The following CPVL variants were observed in gnomAD, a reference collection of about 807,000 sequenced individuals.
CPVL encodes the protein probable serine carboxypeptidase CPVL.
In CPVL, 51 loss-of-function variants were observed where a neutral mutation model predicts 63.7. The ratio of observed to expected loss-of-function variants is 0.80; its 90% CI spans 0.64 to 1.01. The LOEUF is 1.01. Among genes scored for constraint, CPVL ranks in the 50% least tolerant of loss-of-function variants. The pLI is 0.00. For synonymous variants in CPVL, 195 were observed against 206.0 expected (o/e 0.95, Z 0.46); for missense variants, 530 against 573.1 (o/e 0.92, Z 0.77).
upstream of CPVL, chr7:29,146,939 C>G: frequency 6.4e-7 from 1 of 1,551,116 alleles, no homozygotes; most frequent in Non-Finnish European, 8.7e-7. Flanking sequence ...CGCTGATGGT[C>G]TACATTCCAG....
At chr7:29,042,940 T>C (rs968727648) in intron 11 of CPVL, among the ~76,000 whole-genome samples, 13 of 152,210 alleles carry the variant, frequency 8.5e-5, no homozygotes, top group Admixed American at 6.5e-4. Context: ...CTCCTTGGAT[T>C]CTGGCTGACC....
intron 1 of CPVL, chr7:29,194,819 T>G (rs1783425379): frequency 4.7e-6 from 4 of 842,434 alleles, no homozygotes; most frequent in Non-Finnish European, 6.5e-6. Flanking sequence ...TGGTGCTTTC[T>G]GCGCGTCCCC....
chr7:29,137,643 C>A (rs1791385127), intron 1 of CPVL, among the ~76,000 whole-genome samples: 1 of 152,158 alleles, frequency 6.6e-6, no homozygotes, highest in African/African-American at 2.4e-5. Flanking sequence ...TATAGGCAGG[C>A]TGCTCTTTGT....
intron 12 of CPVL, among the ~76,000 whole-genome samples, chr7:29,020,559 C>A (rs2128142473): frequency 6.6e-6 from 1 of 152,164 alleles, no homozygotes; most frequent in South Asian, 2.1e-4. Flanking sequence ...CTTATCCAAA[C>A]CCTCTCAACA....
chr7:29,111,947 A>T (rs1009235589), intron 3 of CPVL, among the ~76,000 whole-genome samples: 1 of 152,244 alleles, frequency 6.6e-6, no homozygotes, highest in Non-Finnish European at 1.5e-5. Context: ...GTGGAATAAG[A>T]TTTGCTTCTC....
intron 1 of CPVL, among the ~76,000 whole-genome samples, chr7:29,123,301 C>A (rs1395911923): frequency 6.6e-6 from 1 of 151,782 alleles, no homozygotes; most frequent in East Asian, 1.9e-4. Context: ...GAATATATAA[C>A]CCTTGTCATG....
intron 5 of CPVL, among the ~76,000 whole-genome samples, chr7:29,173,110 G>T (rs1796821191): frequency 6.9e-6 from 1 of 145,960 alleles, no homozygotes; most frequent in Non-Finnish European, 1.5e-5. Context: ...CAGCCTGGGT[G>T]ACAGAGCAAG....
chr7:29,088,648 G>A (rs1026693966), intron 6 of CPVL, among the ~76,000 whole-genome samples: 9 of 152,128 alleles, frequency 5.9e-5, no homozygotes, highest in Non-Finnish European at 1.0e-4. Flanking sequence ...CTAGAATCAA[G>A]CCCACATGAA....
intron 3 of CPVL, among the ~76,000 whole-genome samples, chr7:29,102,040 T>C (rs1787195045): frequency 6.6e-6 from 1 of 152,216 alleles, no homozygotes; most frequent in Admixed American, 6.5e-5. Flanking sequence ...TGTCTAAGGC[T>C]GTGGATGCAG....
intron 12 of CPVL, among the ~76,000 whole-genome samples, chr7:29,015,902 A>G (rs1318017184): frequency 6.6e-6 from 1 of 152,216 alleles, no homozygotes. Flanking sequence ...AAATAACATG[A>G]CATAGTTTAT....
Position 29,146,534 on chromosome 7 carries a change from T to G in CPVL, c.-116A>C, listed in dbSNP as rs1468629394. On this transcript the variant is annotated 5_prime_UTR_variant, in exon 1 of 13. Coordinates refer to ENST00000265394, the MANE Select transcript of CPVL (RefSeq NM_031311.5). ...GCAGAAGTGAGGCAGCCCCACCCAG[T>G]CACGAGGACCCTGCAGAACTCGAGC... 3 of 1,500,562 alleles carry G rather than the reference T, an allele frequency of 2.0e-6. No homozygotes were observed. The highest frequency in any genetic ancestry group is 2.8e-5 in the African/African-American group (2 of 70,928). 93.0% of individuals were successfully genotyped at this position (1,500,562 alleles called of 1,614,324 possible). A position where few individuals can be genotyped will look rare whatever the true frequency, so the allele number is the denominator to read the frequency against.
intron 9 of CPVL, among the ~76,000 whole-genome samples, chr7:29,068,918 C>A (rs558879938): frequency 6.7e-6 from 1 of 149,608 alleles, no homozygotes; most frequent in Non-Finnish European, 1.5e-5. Flanking sequence ...CTCCTGACCT[C>A]GTGATCCGCC....
chr7:29,127,651 C>T (rs1039838898), intron 1 of CPVL: 3 of 152,208 alleles, frequency 2.0e-5, no homozygotes, highest in Non-Finnish European at 4.4e-5. Flanking sequence ...CCTTTTCCCA[C>T]CTTTTTCTCC....
intron 1 of CPVL, among the ~76,000 whole-genome samples, chr7:29,144,101 G>C (rs772508218): frequency 6.6e-6 from 1 of 152,182 alleles, no homozygotes; most frequent in Admixed American, 6.5e-5. Flanking sequence ...CAATATAGAC[G>C]TTAATGAGTC....
At chr7:29,092,261 C>T (rs762279940) in intron 6 of CPVL, among the ~76,000 whole-genome samples, 1 of 150,110 alleles carries the variant, frequency 6.7e-6, no homozygotes. Flanking sequence ...AAGTTTTCAG[C>T]CTGGAAAAGT....
chr7:29,005,063 AT>A (rs11366743), intron 12 of CPVL, among the ~76,000 whole-genome samples: 66,091 of 151,046 alleles, frequency 0.44, 16,504 homozygotes, highest in Non-Finnish European at 0.58. Flanking sequence ...CATCCAGCTA[AT>A]TTTTTTTGTA....
intron 2 of CPVL, among the ~76,000 whole-genome samples, chr7:29,114,661 CA>C (rs1419119822): frequency 2.0e-5 from 3 of 152,022 alleles, no homozygotes; most frequent in Non-Finnish European, 2.9e-5. Flanking sequence ...GCATGCCTCT[CA>C]AAAGGAAAAC....
chr7:29,007,393 T>C (rs1194311947), intron 12 of CPVL, among the ~76,000 whole-genome samples: 1 of 128,576 alleles, frequency 7.8e-6, no homozygotes, highest in Non-Finnish European at 1.5e-5. Context: ...GAGTTGCTAT[T>C]GTTTATTATT....
chr7:29,142,528 CTT>C (rs10663904), intron 1 of CPVL, among the ~76,000 whole-genome samples: 8 of 127,608 alleles, frequency 6.3e-5, no homozygotes, highest in Admixed American at 1.6e-4. Context: ...CTTCCAGATA[CTT>C]TTTTTTTTTT....
Sources: allele counts gnomAD v4.1 joint callset (sites outside exome capture counted in the v4.1 genomes callset), GRCh38; gene constraint gnomAD v4.1.1; transcripts MANE v1.5; gene names NCBI Gene and HGNC (gene_info 2026-07-23, HGNC 2026-07-21).